The following ABLIM2 variants were observed in gnomAD, a reference collection of about 807,000 sequenced individuals.
The protein encoded by ABLIM2 is actin binding LIM protein family member 2.
Under a neutral mutation model 97.7 loss-of-function variants are expected in ABLIM2, and 53 were observed. That is an observed-to-expected ratio of 0.54 (90% CI 0.44 to 0.68). The LOEUF (loss-of-function observed/expected upper bound fraction) is 0.68, where lower values mean the gene tolerates loss of function less well. Ranked by LOEUF, ABLIM2 falls within the 30% of genes least tolerant of loss-of-function variation. The pLI is 0.00. For missense variants in ABLIM2, 835 were observed against 867.2 expected, an observed-to-expected ratio of 0.96 and a Z score of 0.47; for synonymous variants, 361 against 345.8, an observed-to-expected ratio of 1.04 and a Z score of -0.49.
chr4:7,970,684 G>C lies in ABLIM2; in HGVS notation c.1825-3581C>G, dbSNP rs141609717. 9.7e-3 allele frequency among the ~76,000 whole-genome samples: 1,474 copies of C among 151,910 alleles called. 33 individuals carry two copies. Among genetic ancestry groups the C allele is most frequent in the East Asian group, 0.05 (253 of 5,106 alleles). On this transcript the variant is annotated intron_variant, in intron 20 of 20. Transcript: ENST00000447017. This position sits in a 1 kb window ranked among gnomAD's most constrained non-coding sequence, Gnocchi z 5.3. ...CAGAGGTGCCCTTGGGGATGACTGT[G>C]GGGGGGCGGTGGAGGGAGCATCTGG...
intron 20 of ABLIM2, among the ~76,000 whole-genome samples, chr4:7,974,870 A>C (rs1227934534): frequency 6.6e-6 from 1 of 152,194 alleles, no homozygotes; most frequent in Non-Finnish European, 1.5e-5. Flanking sequence ...TTCCTATCTA[A>C]GGAGCAATAT....
In ABLIM2 at chr4:7,998,180, C is replaced by T. The variant is rs1040344308; in HGVS notation, c.1619-5253G>A. Among the ~76,000 whole-genome samples the T allele has an allele frequency of 1.6e-4, 25 of 152,060 alleles. No homozygotes were observed. Among genetic ancestry groups the T allele is most frequent in the Admixed American group, 9.8e-4 (15 of 15,266 alleles). On this transcript the variant is annotated intron_variant, in intron 16 of 20. Transcript: ENST00000447017. This position sits in a 1 kb window ranked among gnomAD's most constrained non-coding sequence, Gnocchi z 6.4. ...GGATTACAGGTGTGAGCCACTGCGCCGGGCCTTCTGCTGTCTTTTTTCATT... is the reference window on the plus strand; with the variant it reads ...GGATTACAGGTGTGAGCCACTGCGCTGGGCCTTCTGCTGTCTTTTTTCATT...
intron 20 of ABLIM2, among the ~76,000 whole-genome samples, chr4:7,979,292 T>G (rs1178644904): frequency 6.6e-6 from 1 of 152,238 alleles, no homozygotes; most frequent in Non-Finnish European, 1.5e-5. Flanking sequence ...CGGCACACCC[T>G]GGAGGACTGA....
chr4:8,110,943 A>G (rs1840031418), intron 1 of ABLIM2, among the ~76,000 whole-genome samples: 1 of 152,228 alleles, frequency 6.6e-6, no homozygotes, highest in Non-Finnish European at 1.5e-5. Flanking sequence ...AAGAGGGTTC[A>G]TTCCTCACCT....
chr4:8,020,593 C>T lies in ABLIM2; in HGVS notation c.1268-290G>A, dbSNP rs1578850754. 6 of 485,684 alleles carry T rather than the reference C, an allele frequency of 1.2e-5. No individual in the cohort carries two copies. The South Asian group carries it at 1.4e-4, about 11-fold the overall frequency. 30.1% of individuals were successfully genotyped at this position (485,684 alleles called of 1,614,324 possible). A position where few individuals can be genotyped will look rare whatever the true frequency, so the allele number is the denominator to read the frequency against. On this transcript the variant is annotated intron_variant, in intron 12 of 20. Coordinates refer to ENST00000447017, the MANE Select transcript of ABLIM2 (RefSeq NM_001130083.2). ...GGTGAACTAAGAACACCTTAGGGGG[C>T]TCACTCCATCTGCGCCTCTGCATCC...
At chr4:8,020,070 GGGAGCAGTGGA>G in intron 13 of ABLIM2, 121 bp downstream of exon 13, 1 of 746,384 alleles carries the variant, frequency 1.3e-6, no homozygotes, top group Non-Finnish European at 2.2e-6. Context: ...TCAGTGCCTG[GGGAGCAGTGGA>G]GGAGCCTGGA....
intron 1 of ABLIM2, among the ~76,000 whole-genome samples, chr4:8,152,403 C>T (rs766243528): frequency 7.9e-5 from 12 of 151,944 alleles, no homozygotes; most frequent in East Asian, 1.9e-4. Flanking sequence ...CCGGCCGCTC[C>T]GAGCAGCGCT....
At chr4:8,096,704 C>T (rs932128338) in intron 3 of ABLIM2, among the ~76,000 whole-genome samples, 3 of 152,150 alleles carry the variant, frequency 2.0e-5, no homozygotes, top group African/African-American at 7.2e-5. Context: ...CTGGGAGGAA[C>T]GAGTCAGGGG....
rs1305720043 is a variant in ABLIM2, at chr4:7,999,401, T to A, written c.1619-6474A>T. Reference sequence around the variant, plus strand: ...AAGTCCCTTTACATATTCAGAGATTTCACTTGACTCTCACCAGCCTACACA... The same window carrying A: ...AAGTCCCTTTACATATTCAGAGATTACACTTGACTCTCACCAGCCTACACA... On this transcript the variant is annotated intron_variant, in intron 16 of 20. Transcript: ENST00000447017. The surrounding 1 kb of genome is among the most constrained non-coding windows in gnomAD (Gnocchi z 4.4). Among the ~76,000 whole-genome samples the A allele has an allele frequency of 6.6e-6, 1 of 152,146 alleles. No individual in the cohort carries two copies. The highest frequency in any genetic ancestry group is 2.4e-5 in the African/African-American group (1 of 41,450).
chr4:8,131,255 T>G (rs1227113848), intron 1 of ABLIM2, among the ~76,000 whole-genome samples: 1 of 152,222 alleles, frequency 6.6e-6, no homozygotes, highest in Non-Finnish European at 1.5e-5. Flanking sequence ...GCTTAACTGA[T>G]ACTATATGTA....
chr4:8,154,052 T>C (rs1714193261), intron 1 of ABLIM2, among the ~76,000 whole-genome samples: 1 of 147,142 alleles, frequency 6.8e-6, no homozygotes, highest in Non-Finnish European at 1.5e-5. Context: ...AAGCTCTGCC[T>C]CCCAGGTTCA....
Position 8,001,935 on chromosome 4 carries a change from CTCTT to C in ABLIM2, c.1618+6120_1618+6123del, listed in dbSNP as rs1757508160. On this transcript the variant is annotated intron_variant, in intron 16 of 20. Coordinates refer to ENST00000447017, the MANE Select transcript of ABLIM2 (RefSeq NM_001130083.2). The surrounding 1 kb of genome is among the most constrained non-coding windows in gnomAD (Gnocchi z 4.2). ...GCACACACATGTGCGTGCTCTCTCT[CTCTT>C]TTTCTTGCTCTCTCTCCTCCCAGCA... Among the ~76,000 whole-genome samples, 1 of 152,248 alleles carries C rather than the reference CTCTT, an allele frequency of 6.6e-6. No homozygotes were observed. Among genetic ancestry groups the C allele is most frequent in the Non-Finnish European group, 1.5e-5 (1 of 68,046 alleles).
At position 8,113,219 on chromosome 4, in the gene ABLIM2, C is replaced by T. The variant is rs1443676395; in HGVS notation, c.11-6582G>A. Among the ~76,000 whole-genome samples the T allele has an allele frequency of 1.3e-5, 2 of 152,132 alleles. No individual in the cohort carries two copies. The highest frequency in any genetic ancestry group is 2.9e-5 in the Non-Finnish European group (2 of 68,024). The stretch of plus-strand genomic sequence containing the variant: ...AAGCCATCCTCCCACCTCAGCCTCC[C>T]GAGTAGCTGGGACCACAAGTGTGTG... On this transcript the variant is annotated intron_variant, in intron 1 of 20. Transcript: ENST00000447017. This position sits in a 1 kb window ranked among gnomAD's most constrained non-coding sequence, Gnocchi z 4.5.
chr4:8,111,870 T>C (rs1295580908), intron 1 of ABLIM2, among the ~76,000 whole-genome samples: 2 of 143,382 alleles, frequency 1.4e-5, no homozygotes, highest in African/African-American at 5.2e-5. Flanking sequence ...GAGGTCGCAG[T>C]GAGCCAAGAT....
intron 14 of ABLIM2, among the ~76,000 whole-genome samples, chr4:8,018,208 G>A (rs758489526): frequency 2.0e-5 from 3 of 152,138 alleles, no homozygotes; most frequent in Non-Finnish European, 2.9e-5. Context: ...ACATTTTAAG[G>A]CACCAATCTG....
chr4:8,055,195 G>A (rs577449360), intron 7 of ABLIM2, among the ~76,000 whole-genome samples: 22 of 152,292 alleles, frequency 1.4e-4, no homozygotes, highest in African/African-American at 5.3e-4. Context: ...TTGCATTAGT[G>A]CGATCCTTCT....
At chr4:8,059,736 T>C (rs1801648598) in intron 7 of ABLIM2, among the ~76,000 whole-genome samples, 1 of 151,632 alleles carries the variant, frequency 6.6e-6, no homozygotes, top group Non-Finnish European at 1.5e-5. Flanking sequence ...ACCCCATCTG[T>C]ACTAAAAATA....
intron 20 of ABLIM2, among the ~76,000 whole-genome samples, chr4:7,971,246 GC>G (rs1371852611): frequency 1.3e-5 from 2 of 152,164 alleles, no homozygotes; most frequent in East Asian, 3.9e-4. Flanking sequence ...GGTGGGTGAG[GC>G]CCAGCTGACC....
At chr4:8,013,125 G>A (rs1335753807) in intron 14 of ABLIM2, among the ~76,000 whole-genome samples, 1 of 151,830 alleles carries the variant, frequency 6.6e-6, no homozygotes, top group Non-Finnish European at 1.5e-5. Flanking sequence ...AGTCAACACA[G>A]AGACACTTCC....
Sources: allele counts gnomAD v4.1 joint callset (sites outside exome capture counted in the v4.1 genomes callset), GRCh38; gene constraint gnomAD v4.1.1; non-coding constraint Gnocchi (gnomAD v3.1); transcripts MANE v1.5; gene names NCBI Gene and HGNC (gene_info 2026-07-23, HGNC 2026-07-21).